Variants in LAMA2 observed in about 807,000 individuals in gnomAD.
The protein encoded by LAMA2 is laminin subunit alpha 2, also known as laminin subunit alpha-2.
LAMA2 carries 269 observed loss-of-function variants against 364.8 expected under a neutral mutation model. That is an observed-to-expected ratio of 0.74 (90% CI 0.67 to 0.82). The LOEUF is 0.82. LAMA2 is among the 40% of genes least tolerant of loss of function. The pLI is 0.00. For synonymous variants in LAMA2, 1,379 were observed against 1,370.6 expected (o/e 1.01, Z -0.14); for missense variants, 3,807 against 3,873.2 (o/e 0.98, Z 0.45).
intron 4 of LAMA2, among the ~76,000 whole-genome samples, chr6:129,108,479 A>G (rs1259088899): frequency 6.6e-6 from 1 of 152,152 alleles, no homozygotes; most frequent in Non-Finnish European, 1.5e-5. Context: ...ACATGGCAAT[A>G]GGAAATATGA....
intron 1 of LAMA2, among the ~76,000 whole-genome samples, chr6:128,910,995 C>T (rs539052350): frequency 8.4e-4 from 127 of 151,082 alleles, no homozygotes; most frequent in African/African-American, 3.0e-3. Context: ...TCTGCCCGTT[C>T]TTAGATCTCC....
At chr6:128,883,501 AG>A in intron 1 of LAMA2, 144 bp downstream of exon 1, 3 of 1,361,146 alleles carry the variant, frequency 2.2e-6, no homozygotes, top group African/African-American at 2.9e-5. Context: ...AGGAACTTGA[AG>A]CAAGTTCAAG....
At chr6:129,395,654 A>T (rs1461973792) in intron 37 of LAMA2, among the ~76,000 whole-genome samples, 2 of 152,196 alleles carry the variant, frequency 1.3e-5, no homozygotes, top group Non-Finnish European at 2.9e-5. Flanking sequence ...TGGGAGGTAC[A>T]CATAAGCAAA....
chr6:129,512,344 T>A lies in LAMA2; in HGVS notation c.8858-19T>A. On this transcript the variant is annotated intron_variant, in intron 62 of 64. Transcript: ENST00000421865. ...CCCCATCCTCTAATCCAAAATATTT[T>A]AAAATCTTCATTTTACAGTTGGTGG... 1 of 1,612,362 alleles carries A rather than the reference T, an allele frequency of 6.2e-7. No individual in the cohort carries two copies. Among genetic ancestry groups the A allele is most frequent in the Non-Finnish European group, 8.5e-7 (1 of 1,178,568 alleles).
intron 3 of LAMA2, among the ~76,000 whole-genome samples, chr6:129,074,088 A>G (rs1562214447): frequency 6.6e-6 from 1 of 151,868 alleles, no homozygotes; most frequent in Non-Finnish European, 1.5e-5. Context: ...AGTTCTAGGG[A>G]TAGACTTTCA....
intron 1 of LAMA2, among the ~76,000 whole-genome samples, chr6:128,910,984 G>A (rs1466834495): frequency 6.6e-6 from 1 of 151,108 alleles, no homozygotes; most frequent in Admixed American, 6.6e-5. Flanking sequence ...TGAGGAGGCA[G>A]TCTGCCCGTT....
intron 3 of LAMA2, among the ~76,000 whole-genome samples, chr6:129,062,768 C>G (rs1789015033): frequency 6.6e-6 from 1 of 152,006 alleles, no homozygotes. Context: ...TTTATTAGTT[C>G]TTCTTTTGTA....
chr6:129,050,216 G>A (rs906791377), intron 2 of LAMA2, 128 bp downstream of exon 2: 50 of 925,570 alleles, frequency 5.4e-5, no homozygotes, highest in Non-Finnish European at 7.9e-5. Flanking sequence ...TTACCATTAA[G>A]AGCTTCTTCC....
rs1466374340 is a variant in LAMA2, at chr6:129,395,128, C to G, written c.5445+1873C>G. Among the ~76,000 whole-genome samples the G allele has an allele frequency of 4.6e-5, 7 of 151,918 alleles. No homozygotes were observed. In the East Asian group the frequency reaches 9.7e-4, roughly 21 times the overall value. ...ACCTAGAGAGTCTGTGTAGGCTGCT[C>G]TGGGGTTTGGCCCCATGTGTACATT... On this transcript the variant is annotated intron_variant, in intron 37 of 64. Coordinates refer to ENST00000421865, the MANE Select transcript of LAMA2 (RefSeq NM_000426.4).
chr6:129,288,096 T>G (rs760540230), intron 19 of LAMA2, 38 bp downstream of exon 19: 4 of 1,540,974 alleles, frequency 2.6e-6, no homozygotes, highest in Non-Finnish European at 3.6e-6. Flanking sequence ...ACAGAATTGA[T>G]GTATTGTACC....
At chr6:128,940,717 C>G (rs1258504426) in intron 1 of LAMA2, among the ~76,000 whole-genome samples, 1 of 152,098 alleles carries the variant, frequency 6.6e-6, no homozygotes, top group Non-Finnish European at 1.5e-5. Context: ...TTCTAGAGAC[C>G]AGGGTGAGAG....
rs753232104 is a variant in LAMA2 at position 129,502,686 on chromosome 6, G to C, written c.8272G>C (p.Ala2758Pro). The C allele has an allele frequency of 6.2e-7, 1 of 1,613,958 alleles. No individual in the cohort carries two copies. The highest frequency in any genetic ancestry group is 1.1e-5 in the South Asian group (1 of 91,074). The stretch of plus-strand genomic sequence containing the variant: ...TCCTTGTGCTGCAGAATCAGAACCA[G>C]CTCTTTTGATAGGGAGCAAGCAGTT... ...HGPCAAESEPALLIGSKQFGL... is the reference protein window; with the variant it reads ...HGPCAAESEPPLLIGSKQFGL... The change falls in exon 59 of 65, where the codon GCT becomes CCT. Residue 2758 changes from alanine (A) to proline (P), a missense_variant. By Grantham distance (27) the Ala-to-Pro change is conservative. This residue lies in a region of LAMA2 where 3,333 missense variants were observed against 3,345.7 expected (regional missense o/e 1.00). Transcript: ENST00000421865.
chr6:129,450,874 CA>C lies in LAMA2; in HGVS notation c.6430-2112del, dbSNP rs151118548. 1.7e-3 allele frequency among the ~76,000 whole-genome samples: 255 copies of C among 152,294 alleles called. 1 individual carries two copies. The highest frequency in any genetic ancestry group is 1.6e-3 in the Non-Finnish European group (110 of 68,002). ...GTTCACTTTGATCCTCTTATGATGT[CA>C]ATGGTACGTATAGCCTGCCTCAGAT... On this transcript the variant is annotated intron_variant, in intron 45 of 64. Transcript: ENST00000421865.
rs751875013 is a variant in LAMA2, at chr6:129,516,309, C to T, written c.9331C>T (p.Leu3111=). Residue 3111 remains leucine, a synonymous_variant, in exon 65 of 65, where the codon CTG becomes TTG. Transcript: ENST00000421865. The part of the protein sequence containing the change: ...LEVNFAKALE[L]RGVQPVSCPA... The stretch of plus-strand genomic sequence containing the variant: ...GGTTAATTTTGCCAAGGCCCTGGAA[C>T]TGAGGGGCGTTCAACCTGTATCATG... 1.9e-6 allele frequency: 3 copies of T among 1,614,116 alleles called. No homozygotes were observed. Among genetic ancestry groups the T allele is most frequent in the Non-Finnish European group, 2.5e-6 (3 of 1,179,992 alleles).
chr6:129,363,340 C>T (rs186657347), intron 32 of LAMA2, among the ~76,000 whole-genome samples: 2 of 152,236 alleles, frequency 1.3e-5, no homozygotes, highest in African/African-American at 4.8e-5. Flanking sequence ...ATGGTTAGAC[C>T]TTACCACAGA....
At chr6:128,998,752 C>A (rs1784176901) in intron 1 of LAMA2, among the ~76,000 whole-genome samples, 1 of 18,572 alleles carries the variant, frequency 5.4e-5, no homozygotes, top group Non-Finnish European at 1.0e-4. Flanking sequence ...GTCCTACGCC[C>A]ACGGAATCTC....
At chr6:129,182,083 A>T (rs975718790) in intron 10 of LAMA2, among the ~76,000 whole-genome samples, 2 of 151,864 alleles carry the variant, frequency 1.3e-5, no homozygotes, top group African/African-American at 4.8e-5. Context: ...GTATTTCTAT[A>T]TGTCAGTGAC....
chr6:129,352,166 G>C (rs146028344), intron 31 of LAMA2, among the ~76,000 whole-genome samples: 11 of 152,364 alleles, frequency 7.2e-5, no homozygotes, highest in African/African-American at 2.6e-4. Context: ...AAAACAGGCA[G>C]TGTTTTTAGC....
chr6:129,021,997 C>G (rs1672127756), intron 1 of LAMA2, among the ~76,000 whole-genome samples: 1 of 152,124 alleles, frequency 6.6e-6, no homozygotes, highest in Non-Finnish European at 1.5e-5. Flanking sequence ...AAATTTCATC[C>G]ATTGGAGAGT....
Sources: allele counts gnomAD v4.1 joint callset (sites outside exome capture counted in the v4.1 genomes callset), GRCh38; gene constraint gnomAD v4.1.1; regional missense constraint gnomAD v4.1.1; transcripts MANE v1.5; gene names NCBI Gene and HGNC (gene_info 2026-07-23, HGNC 2026-07-21).